CLDN6: variants seen among roughly 807,000 people sequenced by gnomAD.
CLDN6 encodes the protein claudin 6.
For missense variants in CLDN6, 279 were observed against 284.1 expected (o/e 0.98, Z 0.13); for synonymous variants, 144 against 131.2 (o/e 1.10, Z -0.67).
chr16:3,017,561 G>T (rs1213537782), intron 1 of CLDN6, among the ~76,000 whole-genome samples: 1 of 152,060 alleles, frequency 6.6e-6, no homozygotes, highest in Non-Finnish European at 1.5e-5. Context: ...CTCATTAGCC[G>T]GGGGCCCCAG....
chr16:3,016,671 G>T (rs1438015080), intron 1 of CLDN6, among the ~76,000 whole-genome samples: 7 of 137,664 alleles, frequency 5.1e-5, no homozygotes, highest in Admixed American at 2.3e-4. Context: ...TTTTTAAGAC[G>T]GAGTCTCGCT....
In CLDN6 at chr16:3,015,539, C is replaced by T. The variant is rs753151803; in HGVS notation, c.483G>A (p.Gly161=). 1.4e-5 allele frequency: 22 copies of T among 1,612,876 alleles called. No individual in the cohort carries two copies. Among genetic ancestry groups the T allele is most frequent in the African/African-American group, 6.7e-5 (5 of 74,922 alleles). ...CCGCCCAGCCCAAGTAGAGGGAGGC[C>T]CCCAGCTCCCGCTTTTGGGCCTCAG... The part of the protein sequence containing the change: ...LVAEAQKREL[G]ASLYLGWAAS... Residue 161 remains glycine (G), a synonymous_variant, in exon 2 of 2, where the codon GGG becomes GGA. Coordinates refer to ENST00000328796, the MANE Select transcript of CLDN6 (RefSeq NM_021195.5).
chr16:3,015,318 G>A lies in CLDN6; in HGVS notation c.*41C>T. On this transcript the variant is annotated 3_prime_UTR_variant, in exon 2 of 2. Coordinates refer to ENST00000328796, the MANE Select transcript of CLDN6 (RefSeq NM_021195.5). ...AAAGCTGTTGGGCACTGCCACTTCT[G>A]GATGGCTCTAGCGCCAGCGGAGCCC... is the stretch of plus-strand genomic sequence containing the variant. 6.7e-7 allele frequency: 1 copy of A among 1,500,392 alleles called. No homozygotes were observed. The allele number at this position is 1,500,392 out of a possible 1,614,324, so 92.9% of individuals were successfully genotyped here. A position where few individuals can be genotyped will look rare whatever the true frequency, so the allele number is the denominator to read the frequency against.
rs2072563611 is a variant in CLDN6, at chr16:3,015,864, G to C, written c.158C>G (p.Ser53Cys). The C allele has an allele frequency of 6.2e-7, 1 of 1,614,244 alleles. No individual in the cohort carries two copies. The highest frequency in any genetic ancestry group is 8.5e-7 in the Non-Finnish European group (1 of 1,180,046). ...CTGGCCGGTGCTCTGCACCACGCAGGACATCCACAGGCCCTCCCACACCAC... is the reference window on the plus strand; with the variant it reads ...CTGGCCGGTGCTCTGCACCACGCAGCACATCCACAGGCCCTCCCACACCAC... ...AQVVWEGLWM[S>C]CVVQSTGQMQ... Residue 53 changes from serine to cysteine, a missense_variant, in exon 2 of 2, where the codon TCC becomes TGC. By Grantham distance (112) the Ser-to-Cys change is moderately radical. Transcript: ENST00000328796.
In CLDN6 at chr16:3,016,584, G is replaced by A. The variant is rs182526050; in HGVS notation, c.-21-542C>T. ...CAACCTCTGCCTCCCAGGTTCAAGC[G>A]ATTCTCCTGCCTCAGCCTCCCAAGT... On this transcript the variant is annotated intron_variant, in intron 1 of 1. Transcript: ENST00000328796. Among the ~76,000 whole-genome samples, 922 of 151,656 alleles carry A rather than the reference G, an allele frequency of 6.1e-3. 10 individuals carry two copies. Among genetic ancestry groups the A allele is most frequent in the African/African-American group, 0.021 (872 of 41,306 alleles).
At chr16:3,017,170 C>G (rs983488430) in intron 1 of CLDN6, among the ~76,000 whole-genome samples, 1 of 152,166 alleles carries the variant, frequency 6.6e-6, no homozygotes, top group African/African-American at 2.4e-5. Flanking sequence ...GTTCCACACC[C>G]CAGGCTGGCA....
rs572129261 is a variant in CLDN6, at chr16:3,015,200, C to G, written c.*159G>C. On this transcript the variant is annotated 3_prime_UTR_variant, in exon 2 of 2. Coordinates refer to ENST00000328796, the MANE Select transcript of CLDN6 (RefSeq NM_021195.5). ...GCAGAGCCTAAGTGAGAGTCTGAGT[C>G]AACACCTTGGCTCAGTTTTCAAATG... 133 of 615,348 alleles carry G rather than the reference C, an allele frequency of 2.2e-4. 1 individual carries two copies. The African/African-American group carries it at 2.4e-3, about 11-fold the overall frequency. The allele number at this position is 615,348 out of a possible 1,614,324, so 38.1% of individuals were successfully genotyped here. A position where few individuals can be genotyped will look rare whatever the true frequency, so the allele number is the denominator to read the frequency against.
In CLDN6 at chr16:3,015,001, C is replaced by T. The variant is rs927314748; in HGVS notation, c.*358G>A. On this transcript the variant is annotated 3_prime_UTR_variant, in exon 2 of 2. Transcript: ENST00000328796. ...CTGTCCAGTGACATCTAGGGAAGCCCAGCCCCCAGCAGCAGCAGGAACTCT... is the reference window on the plus strand; with the variant it reads ...CTGTCCAGTGACATCTAGGGAAGCCTAGCCCCCAGCAGCAGCAGGAACTCT... 2.4e-6 allele frequency: 1 copy of T among 413,330 alleles called. No homozygotes were observed. Among genetic ancestry groups the T allele is most frequent in the Non-Finnish European group, 4.3e-6 (1 of 235,016 alleles). 25.6% of individuals were successfully genotyped at this position (413,330 alleles called of 1,614,324 possible).
At position 3,015,540 on chromosome 16, in the gene CLDN6, C is replaced by T; in HGVS notation, c.482G>A (p.Gly161Glu). 6.2e-7 allele frequency: 1 copy of T among 1,612,980 alleles called. No individual in the cohort carries two copies. Residue 161 changes from glycine to glutamate, a missense_variant, in exon 2 of 2, where the codon GGG becomes GAG. Gly to Glu is a moderately conservative substitution (Grantham distance 98). Coordinates refer to ENST00000328796, the MANE Select transcript of CLDN6 (RefSeq NM_021195.5). Reference protein sequence around the residue: ...LVAEAQKRELGASLYLGWAAS... With the variant: ...LVAEAQKRELEASLYLGWAAS... ...CGCCCAGCCCAAGTAGAGGGAGGCC[C>T]CCAGCTCCCGCTTTTGGGCCTCAGC...
In CLDN6 at chr16:3,016,044, T is replaced by C; in HGVS notation, c.-21-2A>G. ...CATGGCGAGGTTGAAGGAGCTGCAC[T>C]GTGTTTGGGACAGAAGCACAACAAG... On this transcript the variant is annotated splice_acceptor_variant, in intron 1 of 1. Coordinates refer to ENST00000328796, the MANE Select transcript of CLDN6 (RefSeq NM_021195.5). LOFTEE classifies it low-confidence loss of function (5UTR_SPLICE). 6.2e-7 allele frequency: 1 copy of C among 1,604,312 alleles called. No homozygotes were observed. Among genetic ancestry groups the C allele is most frequent in the Non-Finnish European group, 8.5e-7 (1 of 1,174,226 alleles).
chr16:3,016,814 A>AT (rs545186433), intron 1 of CLDN6, among the ~76,000 whole-genome samples: 4 of 150,970 alleles, frequency 2.6e-5, no homozygotes, highest in South Asian at 4.2e-4. Context: ...CGCCCGGCTA[A>AT]TTTTTTTGTA....
rs201867140 is a variant in CLDN6, at chr16:3,015,619, G to A, written c.403C>T (p.Pro135Ser). ...FVISGVLTLI[P>S]VCWTAHAIIR... ...ATGGCATGCGCCGTCCAGCACACGGGGATTAGCGTCAGGACCCCTGAGATG... is the reference window on the plus strand; with the variant it reads ...ATGGCATGCGCCGTCCAGCACACGGAGATTAGCGTCAGGACCCCTGAGATG... Residue 135 changes from proline (P) to serine (S), a missense_variant, in exon 2 of 2, where the codon CCC becomes TCC. Coordinates refer to ENST00000328796, the MANE Select transcript of CLDN6 (RefSeq NM_021195.5). 8 of 1,613,292 alleles carry A rather than the reference G, an allele frequency of 5.0e-6. No homozygotes were observed. Among genetic ancestry groups the A allele is most frequent in the South Asian group, 1.1e-5 (1 of 91,084 alleles).
At chr16:3,016,127 C>A (rs915823616) in intron 1 of CLDN6, 85 bp from the exon 2 acceptor site, 6 of 1,267,802 alleles carry the variant, frequency 4.7e-6, no homozygotes, top group Non-Finnish European at 6.5e-6. Flanking sequence ...TAGGGGCATG[C>A]ACCCTGGAAA....
intron 1 of CLDN6, among the ~76,000 whole-genome samples, chr16:3,017,343 T>C (rs966018303): frequency 1.7e-4 from 26 of 152,236 alleles, no homozygotes; most frequent in African/African-American, 6.3e-4. Context: ...CTATGAATTC[T>C]AGACGAAAAT....
In CLDN6 at chr16:3,015,736, G is replaced by T. The variant is rs1216308683; in HGVS notation, c.286C>A (p.Leu96Met). 2 of 1,614,002 alleles carry T rather than the reference G, an allele frequency of 1.2e-6. No individual in the cohort carries two copies. Among genetic ancestry groups the T allele is most frequent in the African/African-American group, 2.7e-5 (2 of 75,064 alleles). ...CACTTGGCCCCAGCAAGGTAGACCA[G>T]CAAGCCGAACAGGGCCACAAGGAGG... ...IALLVALFGLLVYLAGAKCTT... is the reference protein window; with the variant it reads ...IALLVALFGLMVYLAGAKCTT... The change falls in exon 2 of 2, where the codon CTG (leucine) becomes ATG (methionine). Residue 96 changes from leucine (L) to methionine (M), a missense_variant. Transcript: ENST00000328796.
At chr16:3,016,804 C>G (rs546513276) in intron 1 of CLDN6, among the ~76,000 whole-genome samples, 2 of 152,098 alleles carry the variant, frequency 1.3e-5, no homozygotes, top group Non-Finnish European at 2.9e-5. Flanking sequence ...CTCACCACCA[C>G]GCCCGGCTAA....
In CLDN6 at chr16:3,015,895, C is replaced by A; in HGVS notation, c.127G>T (p.Ala43Ser). 6.2e-7 allele frequency: 1 copy of A among 1,614,256 alleles called. No homozygotes were observed. The highest frequency in any genetic ancestry group is 1.7e-5 in the Admixed American group (1 of 60,028). Residue 43 changes from alanine (A) to serine (S), a missense_variant, in exon 2 of 2, where the codon GCC becomes TCC. Physicochemically the swap from Ala to Ser is moderately conservative, Grantham distance 99 (BLOSUM62 1). Transcript: ENST00000328796. ...TAFIGNSIVVAQVVWEGLWMS... is the reference protein window; with the variant it reads ...TAFIGNSIVVSQVVWEGLWMS... Reference sequence around the variant, plus strand: ...CACAGGCCCTCCCACACCACCTGGGCCACCACGATGCTGTTGCCGATGAAA... The same window carrying A: ...CACAGGCCCTCCCACACCACCTGGGACACCACGATGCTGTTGCCGATGAAA...
rs554339176 is a variant in CLDN6 at position 3,014,888 on chromosome 16, G to C, written c.*471C>G. On this transcript the variant is annotated 3_prime_UTR_variant, in exon 2 of 2. Coordinates refer to ENST00000328796, the MANE Select transcript of CLDN6 (RefSeq NM_021195.5). ...GGAGGAAACAGAGGTCAGAAGTTCC[G>C]GAGGTGGGCAGTCCTTTGTTAACAG... The C allele has an allele frequency of 2.7e-6, 1 of 371,852 alleles. No homozygotes were observed. The highest frequency in any genetic ancestry group is 4.5e-5 in the Admixed American group (1 of 22,060). The allele number at this position is 371,852 out of a possible 1,614,324, so 23.0% of individuals were successfully genotyped here.
rs759143825 is a variant in CLDN6 at position 3,015,763 on chromosome 16, C to T, written c.259G>A (p.Ala87Thr). Residue 87 changes from alanine to threonine, a missense_variant, in exon 2 of 2, where the codon GCC becomes ACC. Transcript: ENST00000328796. ...AAGCCGAACAGGGCCACAAGGAGGGCGATGACACAGAGGGCACGTGCAGCC... is the reference window on the plus strand; with the variant it reads ...AAGCCGAACAGGGCCACAAGGAGGGTGATGACACAGAGGGCACGTGCAGCC... Reference protein sequence around the residue: ...LQAARALCVIALLVALFGLLV... With the variant: ...LQAARALCVITLLVALFGLLV... 5.1e-5 allele frequency: 82 copies of T among 1,613,952 alleles called. No individual in the cohort carries two copies. Among genetic ancestry groups the T allele is most frequent in the African/African-American group, 1.6e-4 (12 of 74,944 alleles).
Sources: gnomAD v4.1 joint callset for allele counts (sites outside exome capture counted in the v4.1 genomes callset) on GRCh38, gnomAD v4.1.1 for gene constraint, MANE v1.5 for transcripts, NCBI Gene and HGNC (gene_info 2026-07-23, HGNC 2026-07-21) for gene names.